Variants in ATP2B2 observed in about 807,000 individuals in gnomAD.
The protein encoded by ATP2B2 is ATPase plasma membrane Ca2+ transporting 2.
In ATP2B2, 15 loss-of-function variants were observed where a neutral mutation model predicts 120.0. That is an observed-to-expected ratio of 0.12 (90% CI 0.08 to 0.19). The LOEUF is 0.19. Ranked by LOEUF, ATP2B2 falls within the 10% of genes least tolerant of loss-of-function variation. The pLI is 1.00. For synonymous variants in ATP2B2, 694 were observed against 700.3 expected (o/e 0.99, Z 0.14); for missense variants, 1,045 against 1,719.8 (o/e 0.61, Z 6.94).
rs191524124 is a variant in ATP2B2 at position 10,451,501 on chromosome 3, T to C, written c.-319-1639A>G. Among the ~76,000 whole-genome samples the C allele has an allele frequency of 1.6e-3, 249 of 152,326 alleles. 1 individual carries two copies. Among genetic ancestry groups the C allele is most frequent in the Non-Finnish European group, 2.8e-3 (190 of 68,030 alleles). On this transcript the variant is annotated intron_variant, in intron 1 of 22. Coordinates refer to ENST00000360273, the MANE Select transcript of ATP2B2 (RefSeq NM_001001331.4). ...TTATAAACTGTATTCAAATCCAGTG[T>C]GTTTCTGGATTTGGGGCTTCCCAGT...
rs199596853 is a variant in ATP2B2, at chr3:10,346,178, G to C, written c.2405-41C>G. 706 of 1,597,064 alleles carry C rather than the reference G, an allele frequency of 4.4e-4. 3 individuals carry two copies. The East Asian group carries it at 0.014, about 31-fold the overall frequency. On this transcript the variant is annotated intron_variant, in intron 16 of 22. Coordinates refer to ENST00000360273, the MANE Select transcript of ATP2B2 (RefSeq NM_001001331.4). This position sits in a 1 kb window ranked among gnomAD's most constrained non-coding sequence, Gnocchi z 4.1. ...TGTGCTCAGGCCCTGGGCCACTCAG[G>C]TGGGAGGCAGCCTGGGCCAGCCCTG...
intron 1 of ATP2B2, among the ~76,000 whole-genome samples, chr3:10,661,330 A>T (rs1388717854): frequency 6.6e-6 from 1 of 152,172 alleles, no homozygotes; most frequent in Non-Finnish European, 1.5e-5. Context: ...AGATGACATG[A>T]CTGTATATCT....
At chr3:10,371,320 A>C (rs1451706759) in intron 12 of ATP2B2, among the ~76,000 whole-genome samples, 1 of 152,246 alleles carries the variant, frequency 6.6e-6, no homozygotes, top group African/African-American at 2.4e-5. Flanking sequence ...AGCCCAGCTG[A>C]GGCCATGCCA....
intron 2 of ATP2B2, among the ~76,000 whole-genome samples, chr3:10,583,111 C>T (rs140033339): frequency 2.0e-5 from 3 of 152,316 alleles, no homozygotes; most frequent in Admixed American, 6.5e-5. Context: ...ATCACGACCT[C>T]GGTTTGCTCA....
intron 1 of ATP2B2, among the ~76,000 whole-genome samples, chr3:10,661,687 T>G (rs1055336795): frequency 6.6e-6 from 1 of 152,230 alleles, no homozygotes; most frequent in Non-Finnish European, 1.5e-5. Flanking sequence ...AGGTAATTTA[T>G]AGATTCCATG....
chr3:10,639,214 T>C (rs986454363), intron 1 of ATP2B2, among the ~76,000 whole-genome samples: 2 of 152,112 alleles, frequency 1.3e-5, no homozygotes, highest in African/African-American at 4.8e-5. Flanking sequence ...AAATGAAAAG[T>C]CACCAAAAGC....
Position 10,340,839 on chromosome 3 carries a change from G to C in ATP2B2, c.2918-135C>G. 1 of 877,840 alleles carries C rather than the reference G, an allele frequency of 1.1e-6. No homozygotes were observed. The highest frequency in any genetic ancestry group is 1.8e-6 in the Non-Finnish European group (1 of 542,596). 54.4% of individuals were successfully genotyped at this position (877,840 alleles called of 1,614,324 possible). A position where few individuals can be genotyped will look rare whatever the true frequency, so the allele number is the denominator to read the frequency against. On this transcript the variant is annotated intron_variant, in intron 19 of 22. Coordinates refer to ENST00000360273, the MANE Select transcript of ATP2B2 (RefSeq NM_001001331.4). This position sits in a 1 kb window ranked among gnomAD's most constrained non-coding sequence, Gnocchi z 5.0. ...GACATCAAGGCATGCTTGGACAGTG[G>C]GGGGCCAGGGCTGTGCTGTCAGCTG...
rs4684686 is a variant in ATP2B2 at position 10,379,191 on chromosome 3, G to A, written c.1042+52C>T. Reference sequence around the variant, plus strand: ...TGTCTCTGGTGTGACTGTCAGAGCCGGTGGGGAGGGGCCTCAGGGACGACA... The same window carrying A: ...TGTCTCTGGTGTGACTGTCAGAGCCAGTGGGGAGGGGCCTCAGGGACGACA... On this transcript the variant is annotated intron_variant, in intron 9 of 22. Transcript: ENST00000360273. 0.3 allele frequency: 472,658 copies of A among 1,583,566 alleles called. 76,021 individuals are homozygous for A. The highest frequency in any genetic ancestry group is 0.69 in the East Asian group (30,850 of 44,540).
chr3:10,363,196 G>C (rs748722226), intron 12 of ATP2B2, among the ~76,000 whole-genome samples: 88 of 152,136 alleles, frequency 5.8e-4, no homozygotes, highest in Non-Finnish European at 1.1e-3. Flanking sequence ...CTTGAGCTCT[G>C]AAATTGCCTA....
intron 2 of ATP2B2, among the ~76,000 whole-genome samples, chr3:10,571,850 T>C (rs2068135912): frequency 6.6e-6 from 1 of 152,226 alleles, no homozygotes; most frequent in South Asian, 2.1e-4. Flanking sequence ...GAGATAGCAA[T>C]TCCTTATCTC....
At chr3:10,415,552 G>T (rs1337102185) in intron 2 of ATP2B2, among the ~76,000 whole-genome samples, 1 of 152,186 alleles carries the variant, frequency 6.6e-6, no homozygotes, top group Non-Finnish European at 1.5e-5. Flanking sequence ...CAGGGGTTTT[G>T]AGGACCTGCA....
intron 1 of ATP2B2, among the ~76,000 whole-genome samples, chr3:10,648,126 G>C (rs952298904): frequency 6.6e-6 from 1 of 152,206 alleles, no homozygotes; most frequent in African/African-American, 2.4e-5. Context: ...AGATCAGCCT[G>C]AGGGTTGCCG....
At chr3:10,632,960 A>G (rs898741362) in intron 1 of ATP2B2, among the ~76,000 whole-genome samples, 8 of 152,240 alleles carry the variant, frequency 5.3e-5, no homozygotes, top group Admixed American at 2.6e-4. Flanking sequence ...AGGACACTCA[A>G]ATGGAGGGGG....
chr3:10,406,875 T>C (rs2062431504), intron 3 of ATP2B2, among the ~76,000 whole-genome samples: 1 of 152,196 alleles, frequency 6.6e-6, no homozygotes, highest in Non-Finnish European at 1.5e-5. Context: ...TTGCTGAGCC[T>C]GGATTTGAAC....
chr3:10,494,207 A>C (rs2066047850), intron 1 of ATP2B2, among the ~76,000 whole-genome samples: 1 of 152,112 alleles, frequency 6.6e-6, no homozygotes, highest in Non-Finnish European at 1.5e-5. Flanking sequence ...AGAGATGGTG[A>C]AAGGTGCTCC....
chr3:10,686,977 C>T (rs186027633), intron 1 of ATP2B2, among the ~76,000 whole-genome samples: 28 of 152,310 alleles, frequency 1.8e-4, no homozygotes, highest in Admixed American at 1.6e-3. Flanking sequence ...ATTAGAGAGG[C>T]ACAGTTGAGG....
intron 12 of ATP2B2, among the ~76,000 whole-genome samples, chr3:10,366,056 C>T (rs1167602361): frequency 1.3e-5 from 2 of 152,150 alleles, no homozygotes; most frequent in African/African-American, 4.8e-5. Flanking sequence ...GGGCCCACCT[C>T]CGGACCTCAG....
intron 15 of ATP2B2, 73 bp downstream of exon 15, chr3:10,350,325 T>C: frequency 6.2e-7 from 1 of 1,605,302 alleles, no homozygotes; most frequent in Non-Finnish European, 8.5e-7. Context: ...TTCTGTACAA[T>C]CATGCAGCAC....
chr3:10,706,103 C>T (rs2071891972), intron 1 of ATP2B2, among the ~76,000 whole-genome samples: 1 of 152,166 alleles, frequency 6.6e-6, no homozygotes, highest in South Asian at 2.1e-4. Context: ...GCTTGATTTC[C>T]GCTAGCTGTG....
Sources: allele counts gnomAD v4.1 joint callset (sites outside exome capture counted in the v4.1 genomes callset), GRCh38; gene constraint gnomAD v4.1.1; non-coding constraint Gnocchi (gnomAD v3.1); transcripts MANE v1.5; gene names NCBI Gene and HGNC (gene_info 2026-07-23, HGNC 2026-07-21).